The following ROBO2 variants were observed in gnomAD, a reference collection of about 807,000 sequenced individuals.
The protein encoded by ROBO2 is roundabout homolog 2.
Under a neutral mutation model 160.8 loss-of-function variants are expected in ROBO2, and 53 were observed. That is an observed-to-expected ratio of 0.33 (90% CI 0.26 to 0.41). The LOEUF (loss-of-function observed/expected upper bound fraction) is 0.41. Among genes scored for constraint, ROBO2 ranks in the 10% least tolerant of loss-of-function variants. ROBO2 has a pLI of 1.00. For synonymous variants in ROBO2, 664 were observed against 611.7 expected, an observed-to-expected ratio of 1.09 and a Z score of -1.26; for missense variants, 1,577 against 1,722.4, an observed-to-expected ratio of 0.92 and a Z score of 1.49.
intron 2 of ROBO2, among the ~76,000 whole-genome samples, chr3:76,440,079 A>G (rs1286684435): frequency 1.3e-5 from 2 of 152,152 alleles, no homozygotes; most frequent in Admixed American, 1.3e-4. Context: ...CTGAACTACC[A>G]TGGATGAATC....
At chr3:76,625,141 C>A (rs1173200467) in intron 2 of ROBO2, among the ~76,000 whole-genome samples, 1 of 151,974 alleles carries the variant, frequency 6.6e-6, no homozygotes, top group Non-Finnish European at 1.5e-5. Context: ...CCCATGATGC[C>A]AAAAAGGTGG....
At chr3:76,119,346 T>A (rs1020837092) in intron 2 of ROBO2, among the ~76,000 whole-genome samples, 3 of 149,032 alleles carry the variant, frequency 2.0e-5, no homozygotes, top group African/African-American at 7.7e-5. Context: ...TGTGAATAAC[T>A]TTCGTAATTT....
chr3:77,459,208 T>G (rs920982707), intron 2 of ROBO2, among the ~76,000 whole-genome samples: 3 of 152,214 alleles, frequency 2.0e-5, no homozygotes, highest in Non-Finnish European at 4.4e-5. Context: ...AATAAGAAAC[T>G]ACTAGCATTT....
intron 2 of ROBO2, among the ~76,000 whole-genome samples, chr3:76,157,705 A>G (rs2072462273): frequency 6.6e-6 from 1 of 152,146 alleles, no homozygotes; most frequent in African/African-American, 2.4e-5. Flanking sequence ...AGGAGTCCAC[A>G]GTGTTATAAA....
chr3:76,729,936 C>A (rs981835594), intron 2 of ROBO2, among the ~76,000 whole-genome samples: 2 of 152,032 alleles, frequency 1.3e-5, no homozygotes, highest in African/African-American at 4.8e-5. Context: ...CTTCGCCCGG[C>A]CTACACATGT....
At chr3:77,065,905 C>T (rs529626098) in intron 1 of ROBO2, among the ~76,000 whole-genome samples, 1 of 152,180 alleles carries the variant, frequency 6.6e-6, no homozygotes, top group South Asian at 2.1e-4. Flanking sequence ...GTCCATATCG[C>T]AAAATCAAGA....
intron 2 of ROBO2, among the ~76,000 whole-genome samples, chr3:76,599,881 T>C (rs184437085): frequency 5.9e-5 from 9 of 152,278 alleles, no homozygotes; most frequent in Admixed American, 2.0e-4. Context: ...CCTTTCCCGC[T>C]TTTTAATGGA....
At chr3:77,451,697 A>T (rs7652402) in intron 2 of ROBO2, among the ~76,000 whole-genome samples, 90,637 of 151,634 alleles carry the variant, frequency 0.6, 27,865 homozygotes, top group African/African-American at 0.74. Flanking sequence ...CTGCCCTTTG[A>T]TTCTCCCTTC....
chr3:76,196,120 T>A (rs1702250060), intron 2 of ROBO2, among the ~76,000 whole-genome samples: 2 of 152,126 alleles, frequency 1.3e-5, no homozygotes, highest in African/African-American at 4.8e-5. Context: ...ACAGGTTACT[T>A]CCCTTTCTTC....
chr3:76,921,930 A>G (rs953118992), intron 2 of ROBO2, among the ~76,000 whole-genome samples: 1 of 152,200 alleles, frequency 6.6e-6, no homozygotes, highest in Non-Finnish European at 1.5e-5. Flanking sequence ...AAGAATCATA[A>G]CACCTCATGA....
intron 2 of ROBO2, among the ~76,000 whole-genome samples, chr3:76,060,084 T>C (rs1376770240): frequency 6.8e-6 from 1 of 146,606 alleles, no homozygotes; most frequent in African/African-American, 2.6e-5. Context: ...TTGGTGTGAT[T>C]TCCAACAGAA....
intron 2 of ROBO2, among the ~76,000 whole-genome samples, chr3:76,906,249 T>C (rs145913433): frequency 0.02 from 3,027 of 152,058 alleles, 51 homozygotes; most frequent in Non-Finnish European, 0.028. Flanking sequence ...AATTATATTA[T>C]TTGACATAAG....
intron 6 of ROBO2, among the ~76,000 whole-genome samples, chr3:77,533,211 AC>A (rs1432433174): frequency 1.3e-5 from 2 of 152,020 alleles, no homozygotes; most frequent in African/African-American, 4.8e-5. Context: ...ATACAGAATC[AC>A]CCTTTTTAAG....
chr3:77,236,592 G>A (rs1001626179), intron 2 of ROBO2, among the ~76,000 whole-genome samples: 3 of 152,130 alleles, frequency 2.0e-5, no homozygotes, highest in Non-Finnish European at 4.4e-5. Context: ...TTGGTTGGTA[G>A]GCATTCTATG....
intron 2 of ROBO2, among the ~76,000 whole-genome samples, chr3:76,592,088 A>G (rs2086450579): frequency 6.6e-6 from 1 of 152,060 alleles, no homozygotes; most frequent in Non-Finnish European, 1.5e-5. Context: ...ACTAGATGAG[A>G]AAATTTCTGT....
chr3:77,440,214 C>T (rs946861103), intron 2 of ROBO2, among the ~76,000 whole-genome samples: 1 of 152,082 alleles, frequency 6.6e-6, no homozygotes, highest in Non-Finnish European at 1.5e-5. Flanking sequence ...CACATTTTTA[C>T]ACTGTTTTGG....
At chr3:77,455,749 T>C (rs2081574225) in intron 2 of ROBO2, among the ~76,000 whole-genome samples, 1 of 152,004 alleles carries the variant, frequency 6.6e-6, no homozygotes, top group Non-Finnish European at 1.5e-5. Flanking sequence ...TTTTTTTTTT[T>C]TTAGATGTTT....
At chr3:77,413,012 G>A (rs1212277887) in intron 2 of ROBO2, among the ~76,000 whole-genome samples, 5 of 152,140 alleles carry the variant, frequency 3.3e-5, no homozygotes, top group Non-Finnish European at 7.3e-5. Context: ...GGTCCAGCCA[G>A]CCTGGGCAAT....
chr3:76,968,720 T>A (rs1372763899), intron 2 of ROBO2, among the ~76,000 whole-genome samples: 1 of 152,150 alleles, frequency 6.6e-6, no homozygotes, highest in Non-Finnish European at 1.5e-5. Flanking sequence ...TTTCGTCAGG[T>A]TTGTATTGTT....
Sources: allele counts gnomAD v4.1 joint callset (sites outside exome capture counted in the v4.1 genomes callset), GRCh38; gene constraint gnomAD v4.1.1; transcripts MANE v1.5; gene names NCBI Gene and HGNC (gene_info 2026-07-23, HGNC 2026-07-21).